CHCHD3: variants seen among roughly 807,000 people sequenced by gnomAD.
CHCHD3 encodes the protein coiled-coil-helix-coiled-coil-helix domain containing 3, also known as MICOS complex subunit MIC19.
In CHCHD3, 20 loss-of-function variants were observed where a neutral mutation model predicts 38.2. The observed-to-expected ratio is 0.52, with a 90% confidence interval of 0.37 to 0.76. The LOEUF (loss-of-function observed/expected upper bound fraction) is 0.76. Among genes scored for constraint, CHCHD3 ranks in the 30% least tolerant of loss-of-function variants. CHCHD3 has a pLI of 0.00. For synonymous variants in CHCHD3, 82 were observed against 100.0 expected, an observed-to-expected ratio of 0.82 and a Z score of 1.07; for missense variants, 245 against 279.2, an observed-to-expected ratio of 0.88 and a Z score of 0.87.
chr7:132,879,716 T>TAAAAAAAAAAAAAAAAAAA (rs56259114), intron 5 of CHCHD3, among the ~76,000 whole-genome samples: 7 of 38,428 alleles, frequency 1.8e-4, no homozygotes, highest in Non-Finnish European at 2.2e-4. Flanking sequence ...TTGTCAAAAG[T>TAAAAAAAAAAAAAAAAAAA]AAAAAAAAAA....
chr7:132,960,120 C>A (rs1811280026), intron 4 of CHCHD3, among the ~76,000 whole-genome samples: 2 of 152,094 alleles, frequency 1.3e-5, no homozygotes, highest in Admixed American at 6.5e-5. Context: ...TCAGGGTGAA[C>A]ATATTTTAAT....
Position 133,037,055 on chromosome 7 carries a change from A to G in CHCHD3, c.170-12428T>C, listed in dbSNP as rs114225657. Among the ~76,000 whole-genome samples, 356 of 152,320 alleles carry G rather than the reference A, an allele frequency of 2.3e-3. 2 individuals carry two copies. The highest frequency in any genetic ancestry group is 7.9e-3 in the African/African-American group (330 of 41,566). On this transcript the variant is annotated intron_variant, in intron 2 of 7. Coordinates refer to ENST00000262570, the MANE Select transcript of CHCHD3 (RefSeq NM_017812.4). ...AAGATTCACATATTTATTGTAAATG[A>G]ATTTGATCTGAGAGTAACAAGAATT...
At chr7:132,985,428 G>A (rs1170054241) in intron 3 of CHCHD3, among the ~76,000 whole-genome samples, 8 of 69,840 alleles carry the variant, frequency 1.1e-4, no homozygotes, top group Non-Finnish European at 1.5e-4. Flanking sequence ...GGTGAGGGGC[G>A]CCTCTGCCCG....
chr7:132,909,888 G>T (rs1291810370), intron 4 of CHCHD3, among the ~76,000 whole-genome samples: 1 of 152,214 alleles, frequency 6.6e-6, no homozygotes, highest in Non-Finnish European at 1.5e-5. Context: ...AAACTCCTAT[G>T]CATGAGGCAA....
At chr7:132,990,982 A>AC (rs60733079) in intron 3 of CHCHD3, among the ~76,000 whole-genome samples, 38 of 150,562 alleles carry the variant, frequency 2.5e-4, no homozygotes, top group African/African-American at 8.8e-4. Flanking sequence ...ACACACACAC[A>AC]ACCTAACTCA....
intron 4 of CHCHD3, among the ~76,000 whole-genome samples, chr7:132,907,778 T>C (rs1044809307): frequency 6.6e-6 from 1 of 152,140 alleles, no homozygotes; most frequent in Non-Finnish European, 1.5e-5. Flanking sequence ...GGGAAACCAT[T>C]AAAGGGCCTG....
At chr7:132,854,952 T>C (rs1368535880) in intron 5 of CHCHD3, among the ~76,000 whole-genome samples, 1 of 152,094 alleles carries the variant, frequency 6.6e-6, no homozygotes, top group African/African-American at 2.4e-5. Context: ...CAAAAGCAAA[T>C]ATTGTTAGGA....
intron 2 of CHCHD3, among the ~76,000 whole-genome samples, chr7:133,048,145 A>T (rs1049115337): frequency 6.6e-6 from 1 of 152,076 alleles, no homozygotes; most frequent in Non-Finnish European, 1.5e-5. Flanking sequence ...GTTAAATAAA[A>T]AAAAAAAAAA....
At chr7:132,848,352 G>C (rs1808133433) in intron 5 of CHCHD3, among the ~76,000 whole-genome samples, 2 of 152,196 alleles carry the variant, frequency 1.3e-5, no homozygotes, top group African/African-American at 4.8e-5. Context: ...TAATCAGCTA[G>C]ATGTAGGCAA....
At chr7:132,837,717 A>C (rs1166007181) in intron 6 of CHCHD3, among the ~76,000 whole-genome samples, 4 of 152,186 alleles carry the variant, frequency 2.6e-5, no homozygotes, top group African/African-American at 7.2e-5. Flanking sequence ...TAATTTGCGC[A>C]TGTGCTACTA....
intron 3 of CHCHD3, among the ~76,000 whole-genome samples, chr7:132,982,136 C>T (rs1238188707): frequency 6.6e-6 from 1 of 152,088 alleles, no homozygotes; most frequent in Non-Finnish European, 1.5e-5. Flanking sequence ...AAGGACAAAA[C>T]ACGTATACAG....
intron 6 of CHCHD3, among the ~76,000 whole-genome samples, chr7:132,816,147 G>T (rs1028509718): frequency 4.6e-5 from 7 of 152,140 alleles, no homozygotes; most frequent in Non-Finnish European, 1.0e-4. Flanking sequence ...GAGAAGCCTG[G>T]CTCTCTTCCA....
At chr7:132,850,438 G>GTT (rs55705092) in intron 5 of CHCHD3, among the ~76,000 whole-genome samples, 3,993 of 141,718 alleles carry the variant, frequency 0.028, 184 homozygotes, top group African/African-American at 0.098. Flanking sequence ...AGAGTCTCAG[G>GTT]TTTTTTTTTT....
At chr7:133,073,071 T>A (rs1455415301) in intron 1 of CHCHD3, among the ~76,000 whole-genome samples, 1 of 152,092 alleles carries the variant, frequency 6.6e-6, no homozygotes, top group Non-Finnish European at 1.5e-5. Flanking sequence ...AATGACCAAA[T>A]AAATAACTTT....
At chr7:132,969,001 C>T (rs1238916873) in intron 4 of CHCHD3, among the ~76,000 whole-genome samples, 1 of 152,166 alleles carries the variant, frequency 6.6e-6, no homozygotes, top group African/African-American at 2.4e-5. Flanking sequence ...GAAAGGCATA[C>T]AGCACAAAAT....
intron 2 of CHCHD3, among the ~76,000 whole-genome samples, chr7:133,065,164 G>C (rs139675696): frequency 6.6e-6 from 1 of 152,096 alleles, no homozygotes; most frequent in African/African-American, 2.4e-5. Flanking sequence ...AAAAAATTGA[G>C]GCAGCAAGGA....
intron 2 of CHCHD3, among the ~76,000 whole-genome samples, chr7:133,055,196 T>G (rs1814282412): frequency 6.7e-6 from 1 of 149,692 alleles, no homozygotes; most frequent in South Asian, 2.1e-4. Flanking sequence ...TAATATATAA[T>G]GATATGTATA....
chr7:133,053,809 T>C (rs1400774681), intron 2 of CHCHD3, among the ~76,000 whole-genome samples: 3 of 152,234 alleles, frequency 2.0e-5, no homozygotes, highest in African/African-American at 7.2e-5. Context: ...TTTCTTGTGG[T>C]TAACTGCATG....
chr7:132,914,238 T>C (rs996141677), intron 4 of CHCHD3, among the ~76,000 whole-genome samples: 4 of 151,938 alleles, frequency 2.6e-5, no homozygotes, highest in African/African-American at 7.3e-5. Flanking sequence ...TCCGCCCACC[T>C]TGGCCTCCCA....
Sources: allele counts gnomAD v4.1 joint callset (sites outside exome capture counted in the v4.1 genomes callset), GRCh38; gene constraint gnomAD v4.1.1; transcripts MANE v1.5; gene names NCBI Gene and HGNC (gene_info 2026-07-23, HGNC 2026-07-21).